The following TESC variants were observed in gnomAD, a reference collection of about 807,000 sequenced individuals.
TESC encodes the protein tescalcin.
Under a neutral mutation model 31.0 loss-of-function variants are expected in TESC, and 19 were observed. The ratio of observed to expected loss-of-function variants is 0.61; its 90% CI spans 0.43 to 0.90. TESC has a LOEUF of 0.90. TESC is among the 40% of genes least tolerant of loss of function. The pLI is 0.00. For missense variants in TESC, 248 were observed against 303.8 expected (o/e 0.82, Z 1.36); for synonymous variants, 109 against 114.8 (o/e 0.95, Z 0.32).
intron 2 of TESC, among the ~76,000 whole-genome samples, chr12:117,064,469 C>T (rs1379158278): frequency 3.9e-5 from 6 of 152,180 alleles, no homozygotes; most frequent in African/African-American, 1.4e-4. Flanking sequence ...CATGTCAGTC[C>T]CCCACTTTCC....
At chr12:117,054,566 G>A (rs566023163) in intron 3 of TESC, among the ~76,000 whole-genome samples, 2 of 152,150 alleles carry the variant, frequency 1.3e-5, no homozygotes, top group Non-Finnish European at 2.9e-5. Context: ...TCACTCTCTC[G>A]CCAGGCCTTG....
At chr12:117,076,739 C>T (rs142419305) in intron 1 of TESC, among the ~76,000 whole-genome samples, 21 of 152,262 alleles carry the variant, frequency 1.4e-4, no homozygotes, top group African/African-American at 1.4e-4. Context: ...CCATCACGCC[C>T]GGCCGTTATC....
chr12:117,071,257 T>C (rs144352267), intron 2 of TESC, among the ~76,000 whole-genome samples: 11 of 152,354 alleles, frequency 7.2e-5, no homozygotes, highest in African/African-American at 1.7e-4. Context: ...ACTTGTTCAT[T>C]TGAGCACTCT....
chr12:117,099,107 G>T (rs1433041858), intron 1 of TESC, 118 bp downstream of exon 1: 1 of 1,112,510 alleles, frequency 9.0e-7, no homozygotes, highest in Non-Finnish European at 1.2e-6. Context: ...AGACTGAGGC[G>T]CAGAGAGGGC....
intron 3 of TESC, among the ~76,000 whole-genome samples, chr12:117,053,030 GC>G (rs752793534): frequency 2.7e-4 from 41 of 152,112 alleles, no homozygotes; most frequent in Non-Finnish European, 5.0e-4. Flanking sequence ...AGACCTCACC[GC>G]CCCTTCCTGC....
intron 1 of TESC, among the ~76,000 whole-genome samples, chr12:117,087,929 T>C (rs1565976077): frequency 6.6e-6 from 1 of 152,190 alleles, no homozygotes; most frequent in Non-Finnish European, 1.5e-5. Context: ...ATTATCTTAG[T>C]TAGTCCTCGC....
chr12:117,091,376 T>C (rs1469346881), intron 1 of TESC, among the ~76,000 whole-genome samples: 1 of 152,222 alleles, frequency 6.6e-6, no homozygotes, highest in Admixed American at 6.5e-5. Flanking sequence ...GAGCATCTTA[T>C]CAACACCCAG....
intron 7 of TESC, among the ~76,000 whole-genome samples, chr12:117,041,500 G>C (rs542173422): frequency 2.0e-5 from 3 of 151,828 alleles, no homozygotes; most frequent in Non-Finnish European, 2.9e-5. Context: ...GCTTGGCTAA[G>C]TTTTGTATTT....
intron 2 of TESC, among the ~76,000 whole-genome samples, chr12:117,069,010 T>C (rs867802118): frequency 4.6e-5 from 7 of 152,220 alleles, no homozygotes; most frequent in African/African-American, 1.7e-4. Flanking sequence ...AGGTCGCCTC[T>C]GCTAGATGGA....
chr12:117,062,982 G>T (rs1217152239), intron 2 of TESC, among the ~76,000 whole-genome samples: 1 of 152,180 alleles, frequency 6.6e-6, no homozygotes, highest in Non-Finnish European at 1.5e-5. Context: ...GGGCTCCAGG[G>T]CCACACACCT....
chr12:117,076,361 C>G (rs1430856045), intron 1 of TESC, among the ~76,000 whole-genome samples: 1 of 152,080 alleles, frequency 6.6e-6, no homozygotes, highest in Admixed American at 6.6e-5. Flanking sequence ...GACCCTGTCT[C>G]TAAAAAATGC....
chr12:117,053,201 C>T (rs1954673602), intron 3 of TESC, among the ~76,000 whole-genome samples: 1 of 152,250 alleles, frequency 6.6e-6, no homozygotes. Flanking sequence ...GCCAGTCCTC[C>T]CACAGCTCTG....
intron 1 of TESC, among the ~76,000 whole-genome samples, chr12:117,090,144 C>T (rs538758585): frequency 6.6e-6 from 1 of 151,962 alleles, no homozygotes; most frequent in African/African-American, 2.4e-5. Context: ...TTACAACTCA[C>T]AGAGCCTCAC....
chr12:117,061,810 C>T (rs1030187496), intron 2 of TESC, among the ~76,000 whole-genome samples: 5 of 152,148 alleles, frequency 3.3e-5, no homozygotes, highest in African/African-American at 1.2e-4. Context: ...CAGGGTCAAA[C>T]ACAAGGTGGG....
chr12:117,051,009 T>C (rs1165621126), intron 3 of TESC, among the ~76,000 whole-genome samples: 2 of 152,186 alleles, frequency 1.3e-5, no homozygotes, highest in African/African-American at 4.8e-5. Context: ...TCTACTGGAC[T>C]GTGACCATGA....
intron 3 of TESC, chr12:117,053,965 G>A (rs961435048): frequency 6.6e-6 from 1 of 152,232 alleles, no homozygotes; most frequent in African/African-American, 2.4e-5. Flanking sequence ...TTTAAAAGGA[G>A]GTGAGGGCAC....
At chr12:117,052,260 T>C (rs1175796842) in intron 3 of TESC, among the ~76,000 whole-genome samples, 1 of 152,156 alleles carries the variant, frequency 6.6e-6, no homozygotes, top group Non-Finnish European at 1.5e-5. Context: ...TGGCCTCTGC[T>C]CAAAATACCC....
chr12:117,050,111 A>G (rs755523953), intron 3 of TESC, among the ~76,000 whole-genome samples: 4 of 150,208 alleles, frequency 2.7e-5, no homozygotes, highest in Non-Finnish European at 4.4e-5. Context: ...CGGTTTTCAC[A>G]TTTTTAAATA....
At chr12:117,094,765 C>G (rs1008540192) in intron 1 of TESC, among the ~76,000 whole-genome samples, 1 of 152,012 alleles carries the variant, frequency 6.6e-6, no homozygotes, top group Non-Finnish European at 1.5e-5. Context: ...CCTGTAATCC[C>G]AGCACTTTGG....
Sources: gnomAD v4.1 joint callset for allele counts (sites outside exome capture counted in the v4.1 genomes callset) on GRCh38, gnomAD v4.1.1 for gene constraint, MANE v1.5 for transcripts, NCBI Gene and HGNC (gene_info 2026-07-23, HGNC 2026-07-21) for gene names.